The following LDHAL6A variants were observed in gnomAD, a reference collection of about 807,000 sequenced individuals.
LDHAL6A encodes the protein lactate dehydrogenase A like 6A, also known as L-lactate dehydrogenase A-like 6A.
Under a neutral mutation model 28.2 loss-of-function variants are expected in LDHAL6A, and 19 were observed. The ratio of observed to expected loss-of-function variants is 0.67; its 90% CI spans 0.47 to 0.99. LDHAL6A has a LOEUF of 0.99. Ranked by LOEUF, LDHAL6A falls within the 50% of genes least tolerant of loss-of-function variation. LDHAL6A has a pLI of 0.00. For synonymous variants in LDHAL6A, 144 were observed against 134.4 expected (o/e 1.07, Z -0.49); for missense variants, 372 against 398.6 (o/e 0.93, Z 0.57).
chr11:18,471,783 T>A (rs199680567), intron 3 of LDHAL6A, among the ~76,000 whole-genome samples: 21,133 of 139,852 alleles, frequency 0.15, 1,900 homozygotes, highest in East Asian at 0.38. Context: ...AAAAAAAAAA[T>A]TTTTTCCAAA....
chr11:18,456,930 G>A, intron 1 of LDHAL6A, 124 bp downstream of exon 1: 2 of 965,870 alleles, frequency 2.1e-6, no homozygotes, highest in Non-Finnish European at 3.0e-6. Flanking sequence ...GGCATCAGAG[G>A]AAAAGGTGCC....
At position 18,456,504 on chromosome 11, in the gene LDHAL6A, C is replaced by T. The variant is rs1848759592; in HGVS notation, c.-177C>T. ...GCTGAGCTGCCTGGCCAGAACCTAC[C>T]CAGCTTCTTTGCTGGTCAGATTTGT... On this transcript the variant is annotated 5_prime_UTR_variant, in exon 1 of 7. Transcript: ENST00000280706. 22 of 593,116 alleles carry T rather than the reference C, an allele frequency of 3.7e-5. No homozygotes were observed. In the East Asian group the frequency reaches 6.6e-4, roughly 18 times the overall value. The allele number at this position is 593,116 out of a possible 1,614,324, so 36.7% of individuals were successfully genotyped here.
At position 18,460,594 on chromosome 11, in the gene LDHAL6A, CA is replaced by C. The variant is rs34780803; in HGVS notation, c.127-3349del. On this transcript the variant is annotated intron_variant, in intron 1 of 6. Transcript: ENST00000280706. ...GGCAACAAGAGCAGAAACTCCGTCT[CA>C]AAAAAAAAAAAAAAAAATGCCAGGT... Among the ~76,000 whole-genome samples the C allele has an allele frequency of 4.7e-3, 423 of 90,282 alleles. 1 individual carries two copies. The highest frequency in any genetic ancestry group is 0.023 in the South Asian group (58 of 2,474). The allele number at this position is 90,282 out of a possible 152,430, so 59.2% of individuals were successfully genotyped here.
chr11:18,474,810 A>G (rs867497345), intron 3 of LDHAL6A, among the ~76,000 whole-genome samples: 1 of 152,250 alleles, frequency 6.6e-6, no homozygotes, highest in Non-Finnish European at 1.5e-5. Context: ...CAGCCTGGGC[A>G]GCACAGCAAG....
intron 1 of LDHAL6A, among the ~76,000 whole-genome samples, chr11:18,457,800 T>C (rs1190247623): frequency 6.6e-6 from 1 of 152,178 alleles, no homozygotes; most frequent in African/African-American, 2.4e-5. Context: ...CCTAAAGTGC[T>C]GAGATAACAG....
At chr11:18,477,926 T>C (rs886729307) in intron 6 of LDHAL6A, among the ~76,000 whole-genome samples, 183 bp downstream of exon 6, 1 of 152,168 alleles carries the variant, frequency 6.6e-6, no homozygotes, top group African/African-American at 2.4e-5. Context: ...ACCTTTGTCC[T>C]GGTCTAGTGT....
chr11:18,479,155 G>T lies in LDHAL6A; in HGVS notation c.*285G>T, dbSNP rs539074985. 14 of 234,954 alleles carry T rather than the reference G, an allele frequency of 6.0e-5. No individual in the cohort carries two copies. In the South Asian group the frequency reaches 1.1e-3, roughly 18 times the overall value. 14.6% of individuals were successfully genotyped at this position (234,954 alleles called of 1,614,324 possible). A position where few individuals can be genotyped will look rare whatever the true frequency, so the allele number is the denominator to read the frequency against. On this transcript the variant is annotated 3_prime_UTR_variant, in exon 7 of 7. Coordinates refer to ENST00000280706, the MANE Select transcript of LDHAL6A (RefSeq NM_144972.5). ...CTCCAGAGTAGGTGGGACCACATGC[G>T]TGTGCCTCCATGCCTGCCTAATTTT... is the stretch of plus-strand genomic sequence containing the variant.
intron 3 of LDHAL6A, among the ~76,000 whole-genome samples, chr11:18,467,535 A>G (rs1484181901): frequency 1.3e-5 from 2 of 152,126 alleles, no homozygotes; most frequent in African/African-American, 4.8e-5. Flanking sequence ...TTTTGAAATC[A>G]GGATGTATTA....
In LDHAL6A at chr11:18,478,713, A is replaced by G. The variant is rs758999684; in HGVS notation, c.842A>G (p.Tyr281Cys). Reference protein sequence around the residue: ...HPVSTLSKGLYGINEDIFLSV... With the variant: ...HPVSTLSKGLCGINEDIFLSV... Reference sequence around the variant, plus strand: ...TTAAGTCTTTACTTTCAGGGCCTCTATGGAATAAATGAAGACATATTCCTT... The same window carrying G: ...TTAAGTCTTTACTTTCAGGGCCTCTGTGGAATAAATGAAGACATATTCCTT... The change falls in exon 7 of 7, where the codon TAT becomes TGT. Residue 281 changes from tyrosine (Y) to cysteine (C), a missense_variant. This residue lies in a region of LDHAL6A where 291 missense variants were observed against 302.9 expected (regional missense o/e 0.96). Coordinates refer to ENST00000280706, the MANE Select transcript of LDHAL6A (RefSeq NM_144972.5). The G allele has an allele frequency of 2.5e-6, 4 of 1,606,428 alleles. No individual in the cohort carries two copies. The highest frequency in any genetic ancestry group is 2.2e-5 in the South Asian group (2 of 89,526).
intron 4 of LDHAL6A, chr11:18,475,863 G>T: frequency 2.2e-6 from 1 of 459,304 alleles, no homozygotes; most frequent in Non-Finnish European, 3.8e-6. Flanking sequence ...GGATGGCTAG[G>T]ATTATAACGC....
At chr11:18,459,801 GAC>G (rs1235714920) in intron 1 of LDHAL6A, among the ~76,000 whole-genome samples, 2 of 152,132 alleles carry the variant, frequency 1.3e-5, no homozygotes, top group Non-Finnish European at 2.9e-5. Flanking sequence ...TCTAGGCTAT[GAC>G]AGTTTCTTTA....
rs773304351 is a variant in LDHAL6A, at chr11:18,459,514, C to G, written c.126+2708C>G. Among the ~76,000 whole-genome samples, 38 of 152,150 alleles carry G rather than the reference C, an allele frequency of 2.5e-4. 1 individual carries two copies. The highest frequency in any genetic ancestry group is 3.4e-3 in the Middle Eastern group (1 of 294). ...TTGCAAATGGCCTGTTGTGGGACTT[C>G]ACATTGTTATCATGTGGGTCAGTAC... is the stretch of plus-strand genomic sequence containing the variant. On this transcript the variant is annotated intron_variant, in intron 1 of 6. Coordinates refer to ENST00000280706, the MANE Select transcript of LDHAL6A (RefSeq NM_144972.5).
chr11:18,468,049 GTATATATATATACATA>G (rs1565071778), intron 3 of LDHAL6A, among the ~76,000 whole-genome samples: 1 of 11,214 alleles, frequency 8.9e-5, no homozygotes, highest in Non-Finnish European at 2.5e-4. Context: ...ATATATATAC[GTATATATATATACATA>G]TATATATATA....
At chr11:18,469,658 A>G (rs527983628) in intron 3 of LDHAL6A, among the ~76,000 whole-genome samples, 1 of 152,352 alleles carries the variant, frequency 6.6e-6, no homozygotes, top group South Asian at 2.1e-4. Flanking sequence ...AGTACACACT[A>G]TCAAATATAT....
rs1169976815 is a variant in LDHAL6A at position 18,465,776 on chromosome 11, T to C, written c.384T>C (p.Ser128=). ...KLMIPNITQY[S]PHCKLLIVTN... is the part of the protein sequence containing the mutation. Reference sequence around the variant, plus strand: ...TGATTCCCAATATTACCCAGTACAGTCCTCACTGCAAACTGCTTATTGTTA... The same window carrying C: ...TGATTCCCAATATTACCCAGTACAGCCCTCACTGCAAACTGCTTATTGTTA... The change falls in exon 3 of 7, where the codon AGT becomes AGC. Residue 128 remains serine, a synonymous_variant. Coordinates refer to ENST00000280706, the MANE Select transcript of LDHAL6A (RefSeq NM_144972.5). 1.9e-6 allele frequency: 3 copies of C among 1,613,044 alleles called. No homozygotes were observed. Among genetic ancestry groups the C allele is most frequent in the Admixed American group, 1.7e-5 (1 of 59,724 alleles).
chr11:18,460,411 G>C (rs1303960144), intron 1 of LDHAL6A, among the ~76,000 whole-genome samples: 1 of 151,802 alleles, frequency 6.6e-6, no homozygotes, highest in Non-Finnish European at 1.5e-5. Context: ...GGCTAACATG[G>C]TGAAACCCCA....
At position 18,475,599 on chromosome 11, in the gene LDHAL6A, C is replaced by G; in HGVS notation, c.552C>G (p.Ser184Arg). The G allele has an allele frequency of 6.2e-7, 1 of 1,614,126 alleles. No individual in the cohort carries two copies. Among genetic ancestry groups the G allele is most frequent in the Non-Finnish European group, 8.5e-7 (1 of 1,180,018 alleles). The part of the protein sequence containing the change: ...IGQRLGIHSE[S>R]CHGLILGEHG... ...AAAGGCTTGGCATCCACTCTGAAAG[C>G]TGTCATGGGCTGATCCTTGGAGAGC... Residue 184 changes from serine (S) to arginine (R), a missense_variant, in exon 4 of 7, where the codon AGC becomes AGG. Physicochemically the swap from Ser to Arg is moderately radical, Grantham distance 110. Transcript: ENST00000280706.
intron 6 of LDHAL6A, 44 bp downstream of exon 6, chr11:18,477,787 AG>A (rs1849427475): frequency 5.8e-6 from 9 of 1,552,012 alleles, no homozygotes; most frequent in Non-Finnish European, 6.1e-6. Flanking sequence ...AACATAAAAT[AG>A]GGGGGTAAAG....
intron 1 of LDHAL6A, 90 bp downstream of exon 1, chr11:18,456,896 G>A: frequency 1.5e-6 from 2 of 1,369,840 alleles, no homozygotes; most frequent in South Asian, 3.0e-5. Flanking sequence ...AGTTCAAGGT[G>A]GTGAGTGGGG....
Sources: gnomAD v4.1 joint callset for allele counts (sites outside exome capture counted in the v4.1 genomes callset) on GRCh38, gnomAD v4.1.1 for gene constraint, gnomAD v4.1.1 regional missense constraint, MANE v1.5 for transcripts, NCBI Gene and HGNC (gene_info 2026-07-23, HGNC 2026-07-21) for gene names.